Variants in TAFA1 observed in about 807,000 individuals in gnomAD.
TAFA1 encodes the protein TAFA chemokine like family member 1.
TAFA1 carries 4 observed loss-of-function variants against 18.5 expected under a neutral mutation model. The ratio of observed to expected loss-of-function variants is 0.22; its 90% CI spans 0.11 to 0.49. The LOEUF (loss-of-function observed/expected upper bound fraction) is 0.49. TAFA1 is among the 20% of genes least tolerant of loss of function. The probability of loss-of-function intolerance (pLI) is 0.98; values close to 1 mark genes in which losing one functional copy is unlikely to be tolerated. For missense variants in TAFA1, 147 were observed against 169.0 expected (o/e 0.87, Z 0.72); for synonymous variants, 56 against 55.2 (o/e 1.01, Z -0.06).
chr3:68,178,281 A>G (rs946723722), intron 2 of TAFA1, among the ~76,000 whole-genome samples: 3 of 152,204 alleles, frequency 2.0e-5, no homozygotes, highest in Non-Finnish European at 4.4e-5. Flanking sequence ...CACTCATACA[A>G]CACATACTTA....
intron 3 of TAFA1, among the ~76,000 whole-genome samples, chr3:68,452,820 T>C (rs147183216): frequency 6.6e-6 from 1 of 152,196 alleles, no homozygotes; most frequent in Non-Finnish European, 1.5e-5. Flanking sequence ...ACAAAGTGTC[T>C]GGCAAGCTTT....
intron 2 of TAFA1, among the ~76,000 whole-genome samples, chr3:68,077,084 T>C (rs1254732808): frequency 6.7e-6 from 1 of 150,184 alleles, no homozygotes; most frequent in African/African-American, 2.4e-5. Context: ...TTTCATGTGT[T>C]TTTTGGCTGC....
intron 2 of TAFA1, among the ~76,000 whole-genome samples, chr3:68,251,969 A>C (rs1364641162): frequency 6.6e-6 from 1 of 152,204 alleles, no homozygotes; most frequent in Non-Finnish European, 1.5e-5. Context: ...GGGTCTATGC[A>C]GTTCCCAAGG....
intron 2 of TAFA1, among the ~76,000 whole-genome samples, chr3:68,335,228 G>A (rs2068951245): frequency 6.6e-6 from 1 of 152,150 alleles, no homozygotes; most frequent in Admixed American, 6.5e-5. Context: ...CAGCTGAAAG[G>A]AATTATAGAT....
At chr3:68,308,849 G>T (rs913694369) in intron 2 of TAFA1, among the ~76,000 whole-genome samples, 3 of 152,020 alleles carry the variant, frequency 2.0e-5, no homozygotes, top group Non-Finnish European at 4.4e-5. Flanking sequence ...TAGTTGGAAA[G>T]CTTTGGTTTC....
At position 68,135,910 on chromosome 3, in the gene TAFA1, A is replaced by G. The variant is rs147139888; in HGVS notation, c.118+129166A>G. The stretch of plus-strand genomic sequence containing the variant: ...TGTGCATATAAATGTATTTCTTTTC[A>G]TTAAAACCGGGGAAATTTTGCTGAA... On this transcript the variant is annotated intron_variant, in intron 2 of 4. Transcript: ENST00000478136. Among the ~76,000 whole-genome samples, 1,163 of 152,236 alleles carry G rather than the reference A, an allele frequency of 7.6e-3. 4 individuals carry two copies. Among genetic ancestry groups the G allele is most frequent in the Non-Finnish European group, 0.012 (843 of 68,018 alleles).
At chr3:68,376,367 G>A (rs1408913910) in intron 2 of TAFA1, among the ~76,000 whole-genome samples, 1 of 151,466 alleles carries the variant, frequency 6.6e-6, no homozygotes, top group Non-Finnish European at 1.5e-5. Context: ...ATTAAGCCCA[G>A]TACCCATTAG....
At chr3:68,102,757 C>T (rs2065162717) in intron 2 of TAFA1, among the ~76,000 whole-genome samples, 1 of 152,184 alleles carries the variant, frequency 6.6e-6, no homozygotes, top group Admixed American at 6.5e-5. Flanking sequence ...TTAGATTTCT[C>T]TTCAATTAGT....
intron 2 of TAFA1, among the ~76,000 whole-genome samples, chr3:68,399,695 C>G (rs1169433913): frequency 1.3e-5 from 2 of 152,146 alleles, no homozygotes; most frequent in Non-Finnish European, 2.9e-5. Context: ...TTACTGTGTT[C>G]TAGGCACTGT....
At chr3:68,139,704 GT>G (rs1194779884) in intron 2 of TAFA1, among the ~76,000 whole-genome samples, 1 of 152,148 alleles carries the variant, frequency 6.6e-6, no homozygotes, top group Non-Finnish European at 1.5e-5. Context: ...GCCAGCTTTA[GT>G]TTTTGCATTT....
At chr3:68,063,985 A>T (rs1161892520) in intron 2 of TAFA1, among the ~76,000 whole-genome samples, 3 of 152,192 alleles carry the variant, frequency 2.0e-5, no homozygotes, top group African/African-American at 7.2e-5. Context: ...TTACCTTTCC[A>T]ATGTGAGTTT....
chr3:68,493,503 C>T (rs1456947154), intron 3 of TAFA1, among the ~76,000 whole-genome samples: 1 of 152,140 alleles, frequency 6.6e-6, no homozygotes, highest in Non-Finnish European at 1.5e-5. Context: ...GATATATTCC[C>T]AGAATTGAAA....
At chr3:68,424,841 AC>A (rs1160827838) in intron 3 of TAFA1, among the ~76,000 whole-genome samples, 5 of 151,982 alleles carry the variant, frequency 3.3e-5, no homozygotes, top group South Asian at 4.1e-4. Flanking sequence ...ACTTTTTAGA[AC>A]CTTTTTAACT....
intron 1 of TAFA1, among the ~76,000 whole-genome samples, chr3:68,004,998 A>G (rs541366222): frequency 2.0e-5 from 3 of 152,194 alleles, no homozygotes; most frequent in Non-Finnish European, 4.4e-5. Flanking sequence ...GAAAGCAGTC[A>G]TTGAAAAACT....
In TAFA1 at chr3:68,256,309, A is replaced by T. The variant is rs1028018088; in HGVS notation, c.119-160971A>T. Among the ~76,000 whole-genome samples, 14 of 152,248 alleles carry T rather than the reference A, an allele frequency of 9.2e-5. 1 individual carries two copies. The highest frequency in any genetic ancestry group is 9.2e-4 in the Admixed American group (14 of 15,286). ...CCACAGGGGAAATGCTGCTTTTTCA[A>T]TACGAGGAGTTCTCTCAAACCAGAA... On this transcript the variant is annotated intron_variant, in intron 2 of 4. Transcript: ENST00000478136.
At chr3:68,537,547 C>G (rs2073295610) in intron 3 of TAFA1, among the ~76,000 whole-genome samples, 1 of 152,098 alleles carries the variant, frequency 6.6e-6, no homozygotes, top group Non-Finnish European at 1.5e-5. Context: ...TCTTTTAGGC[C>G]TTTAAAAGTG....
At chr3:68,325,248 T>C (rs1016138798) in intron 2 of TAFA1, among the ~76,000 whole-genome samples, 1 of 152,186 alleles carries the variant, frequency 6.6e-6, no homozygotes, top group Non-Finnish European at 1.5e-5. Flanking sequence ...TTGTAGAAGA[T>C]TAAGCTGAAC....
chr3:68,212,936 C>T (rs2066613376), intron 2 of TAFA1, among the ~76,000 whole-genome samples: 1 of 151,944 alleles, frequency 6.6e-6, no homozygotes, highest in Non-Finnish European at 1.5e-5. Context: ...GAGGAAAAGT[C>T]ATCTTTAGAA....
At chr3:68,133,234 T>G (rs2065565059) in intron 2 of TAFA1, among the ~76,000 whole-genome samples, 1 of 152,198 alleles carries the variant, frequency 6.6e-6, no homozygotes, top group African/African-American at 2.4e-5. Context: ...ATATATCTCT[T>G]TTGGTACCGG....
Sources: gnomAD v4.1 joint callset for allele counts (sites outside exome capture counted in the v4.1 genomes callset) on GRCh38, gnomAD v4.1.1 for gene constraint, MANE v1.5 for transcripts, NCBI Gene and HGNC (gene_info 2026-07-23, HGNC 2026-07-21) for gene names.